Variants in SUCLG2 observed in about 807,000 individuals in gnomAD.
SUCLG2 encodes the protein succinate--CoA ligase [GDP-forming] subunit beta, mitochondrial.
Under a neutral mutation model 47.9 loss-of-function variants are expected in SUCLG2, and 42 were observed. The observed-to-expected ratio is 0.88, with a 90% CI of 0.69 to 1.14. SUCLG2 has a LOEUF of 1.14. Ranked by LOEUF, SUCLG2 falls within the 50% of genes most tolerant of loss-of-function variation. The pLI is 0.00. For synonymous variants in SUCLG2, 195 were observed against 197.3 expected (o/e 0.99, Z 0.10); for missense variants, 571 against 525.9 (o/e 1.09, Z -0.84).
intron 2 of SUCLG2, among the ~76,000 whole-genome samples, chr3:67,580,638 TGA>T (rs1707857955): frequency 2.6e-5 from 4 of 152,212 alleles, no homozygotes; most frequent in African/African-American, 9.7e-5. Flanking sequence ...GATTGTCCCT[TGA>T]TTAACTATTA....
intron 9 of SUCLG2, among the ~76,000 whole-genome samples, chr3:67,494,342 A>G (rs570974449): frequency 1.6e-4 from 24 of 152,370 alleles, no homozygotes; most frequent in African/African-American, 5.8e-4. Flanking sequence ...TGATTCTCAA[A>G]TAAAAGTTTA....
intron 9 of SUCLG2, among the ~76,000 whole-genome samples, chr3:67,491,984 G>A (rs1705219102): frequency 6.6e-6 from 1 of 152,142 alleles, no homozygotes; most frequent in African/African-American, 2.4e-5. Flanking sequence ...AGACAAGACT[G>A]GAACCCAGGC....
intron 2 of SUCLG2, among the ~76,000 whole-genome samples, chr3:67,595,639 C>T (rs1274885898): frequency 6.6e-6 from 1 of 152,190 alleles, no homozygotes; most frequent in Non-Finnish European, 1.5e-5. Flanking sequence ...TTCTCTATCA[C>T]TCTGAGAAGC....
intron 9 of SUCLG2, among the ~76,000 whole-genome samples, chr3:67,441,365 TA>T (rs35082631): frequency 0.018 from 2,446 of 139,636 alleles, 51 homozygotes; most frequent in African/African-American, 0.047. Flanking sequence ...TCTCAGAACT[TA>T]AAAAAAAAAA....
intron 10 of SUCLG2, among the ~76,000 whole-genome samples, chr3:67,381,016 A>G (rs1457157531): frequency 6.6e-6 from 1 of 151,956 alleles, no homozygotes; most frequent in Admixed American, 6.6e-5. Context: ...CACGCAGAGA[A>G]GAGGGATTAA....
At chr3:67,550,161 T>A (rs1706975802) in intron 2 of SUCLG2, among the ~76,000 whole-genome samples, 1 of 152,194 alleles carries the variant, frequency 6.6e-6, no homozygotes, top group Non-Finnish European at 1.5e-5. Flanking sequence ...CAGAATTAGC[T>A]GACCTGCTCC....
chr3:67,382,133 T>C (rs184571432), intron 10 of SUCLG2, among the ~76,000 whole-genome samples: 107 of 152,334 alleles, frequency 7.0e-4, no homozygotes, highest in African/African-American at 2.5e-3. Flanking sequence ...TTAGCACTTA[T>C]TGAGTACATA....
At chr3:67,406,861 CCTT>C (rs1280128997) in intron 9 of SUCLG2, among the ~76,000 whole-genome samples, 1 of 152,096 alleles carries the variant, frequency 6.6e-6, no homozygotes, top group Non-Finnish European at 1.5e-5. Context: ...GTATTTTTAA[CCTT>C]CATTTTATAG....
chr3:67,368,261 A>G (rs556831442), intron 10 of SUCLG2, among the ~76,000 whole-genome samples: 1 of 152,326 alleles, frequency 6.6e-6, no homozygotes, highest in South Asian at 2.1e-4. Context: ...AGGAACCCAA[A>G]GGATTCTTTC....
At chr3:67,541,344 A>C (rs1706703323) in intron 2 of SUCLG2, among the ~76,000 whole-genome samples, 1 of 152,236 alleles carries the variant, frequency 6.6e-6, no homozygotes, top group African/African-American at 2.4e-5. Context: ...TAGAATAACC[A>C]GTTTTGAGAA....
chr3:67,388,078 A>G lies in SUCLG2; in HGVS notation c.1184-12219T>C, dbSNP rs1575662380. Among the ~76,000 whole-genome samples, 3 of 152,322 alleles carry G rather than the reference A, an allele frequency of 2.0e-5. No homozygotes were observed. In the South Asian group the frequency reaches 6.2e-4, roughly 32 times the overall value. On this transcript the variant is annotated intron_variant, in intron 10 of 10. Transcript: ENST00000307227. ...GTAAAAGTAGCCATCAGGGGATCCC[A>G]GACAGCCACCAGACTGGTTTGCTGA...
chr3:67,512,511 A>G (rs1253177564), intron 6 of SUCLG2, among the ~76,000 whole-genome samples: 1 of 150,998 alleles, frequency 6.6e-6, no homozygotes, highest in Non-Finnish European at 1.5e-5. Context: ...GGTTGAATTA[A>G]AGATTAATTC....
intron 10 of SUCLG2, among the ~76,000 whole-genome samples, chr3:67,395,535 G>GA (rs1370706847): frequency 6.6e-6 from 1 of 152,116 alleles, no homozygotes; most frequent in Non-Finnish European, 1.5e-5. Context: ...AGTCCTGAGG[G>GA]ACCTACAAAG....
intron 2 of SUCLG2, among the ~76,000 whole-genome samples, chr3:67,601,928 G>A (rs1020698035): frequency 1.9e-4 from 29 of 152,004 alleles, no homozygotes; most frequent in Admixed American, 7.9e-4. Flanking sequence ...ATTGCAGTGA[G>A]CTAAGATCGC....
At chr3:67,431,028 A>G (rs1319660709) in intron 9 of SUCLG2, among the ~76,000 whole-genome samples, 2 of 152,132 alleles carry the variant, frequency 1.3e-5, no homozygotes, top group African/African-American at 2.4e-5. Context: ...GAGGTACAAA[A>G]AGGAGCTGGT....
chr3:67,406,089 T>C (rs1174410091), intron 9 of SUCLG2, among the ~76,000 whole-genome samples: 1 of 152,166 alleles, frequency 6.6e-6, no homozygotes, highest in Non-Finnish European at 1.5e-5. Context: ...AGACAGATAT[T>C]ACCTACCCCC....
chr3:67,509,788 C>G (rs1449321651), intron 6 of SUCLG2, among the ~76,000 whole-genome samples: 1 of 152,198 alleles, frequency 6.6e-6, no homozygotes, highest in Non-Finnish European at 1.5e-5. Flanking sequence ...TTTCCCACTG[C>G]CACATTTCAC....
chr3:67,498,381 G>C, intron 7 of SUCLG2, 86 bp from the exon 8 acceptor site: 1 of 1,403,386 alleles, frequency 7.1e-7, no homozygotes, highest in Non-Finnish European at 9.8e-7. Flanking sequence ...ACAAGCGAAG[G>C]GAAAGTTAAG....
At chr3:67,442,379 A>T (rs1212424141) in intron 9 of SUCLG2, among the ~76,000 whole-genome samples, 2 of 152,208 alleles carry the variant, frequency 1.3e-5, no homozygotes, top group African/African-American at 4.8e-5. Context: ...TACCTGGAAC[A>T]GCGGCATCAG....
Sources: allele counts gnomAD v4.1 joint callset (sites outside exome capture counted in the v4.1 genomes callset), GRCh38; gene constraint gnomAD v4.1.1; transcripts MANE v1.5; gene names NCBI Gene and HGNC (gene_info 2026-07-23, HGNC 2026-07-21).